Variants in KCNH3 observed in about 807,000 individuals in gnomAD.
KCNH3 encodes the protein potassium voltage-gated channel subfamily H member 3.
In KCNH3, 36 loss-of-function variants were observed where a neutral mutation model predicts 95.6. That is an observed-to-expected ratio of 0.38 (90% CI 0.29 to 0.50). The LOEUF (loss-of-function observed/expected upper bound fraction) is 0.50, where lower values mean the gene tolerates loss of function less well. Ranked by LOEUF, KCNH3 falls within the 20% of genes least tolerant of loss-of-function variation. The probability of loss-of-function intolerance (pLI) is 0.95; values close to 1 mark genes in which losing one functional copy is unlikely to be tolerated. For missense variants in KCNH3, 1,030 were observed against 1,484.1 expected (o/e 0.69, Z 5.03); for synonymous variants, 620 against 646.3 (o/e 0.96, Z 0.62).
chr12:49,539,537 C>T lies in KCNH3; in HGVS notation c.76+45C>T. ...ACTTGCACCCGGGCCGCCGGACCCT[C>T]GCCAGGGCTCCCGCCTTCCCCGAAC... On this transcript the variant is annotated intron_variant, in intron 1 of 14. Coordinates refer to ENST00000257981, the MANE Select transcript of KCNH3 (RefSeq NM_012284.3). This position sits in a 1 kb window ranked among gnomAD's most constrained non-coding sequence, Gnocchi z 6.7. 4.6e-6 allele frequency: 7 copies of T among 1,529,020 alleles called. No homozygotes were observed. Among genetic ancestry groups the T allele is most frequent in the Non-Finnish European group, 6.2e-6 (7 of 1,126,230 alleles). 94.7% of individuals were successfully genotyped at this position (1,529,020 alleles called of 1,614,324 possible). A position where few individuals can be genotyped will look rare whatever the true frequency, so the allele number is the denominator to read the frequency against.
At chr12:49,544,145 T>TGCCCA in intron 6 of KCNH3, 30 bp from the exon 7 acceptor site, 12 of 818,196 alleles carry the variant, frequency 1.5e-5, no homozygotes, top group Non-Finnish European at 2.1e-5. Flanking sequence ...CTGACCTCCC[T>TGCCCA]CCCTCCCTCC....
chr12:49,549,427 T>C lies in KCNH3; in HGVS notation c.1469-14T>C. The C allele has an allele frequency of 2.5e-6, 4 of 1,612,384 alleles. No individual in the cohort carries two copies. The highest frequency in any genetic ancestry group is 3.4e-6 in the Non-Finnish European group (4 of 1,179,290). ...AGGTCCCCTAGGTGACCCCCTCTCGTCACCCTCCCCCAGCCCTGATGCACG... is the reference window on the plus strand; with the variant it reads ...AGGTCCCCTAGGTGACCCCCTCTCGCCACCCTCCCCCAGCCCTGATGCACG... On this transcript the variant is annotated splice_polypyrimidine_tract_variant and intron_variant, in intron 8 of 14. Transcript: ENST00000257981.
Position 49,549,012 on chromosome 12 carries a change from A to G in KCNH3, c.1307A>G (p.Asn436Ser). Residue 436 changes from asparagine (N) to serine (S), a missense_variant, in exon 8 of 15, where the codon AAC becomes AGC. Physicochemically the swap from Asn to Ser is conservative, Grantham distance 46 (BLOSUM62 1). This residue lies in a region of KCNH3 where 50 missense variants were observed against 41.0 expected (regional missense o/e 1.22). Transcript: ENST00000257981. ...SDNCSSSSEA[N>S]GTGLELLGGP... ...AACTGCAGCAGCAGCAGCGAGGCCA[A>G]CGGGACGGGGCTGGAGCTGCTGGGC... is the stretch of plus-strand genomic sequence containing the variant. 6.2e-7 allele frequency: 1 copy of G among 1,611,758 alleles called. No homozygotes were observed. The highest frequency in any genetic ancestry group is 8.5e-7 in the Non-Finnish European group (1 of 1,179,502).
At chr12:49,548,821 G>A (rs1336069803) in intron 7 of KCNH3, 74 bp from the exon 8 acceptor site, 1 of 1,436,798 alleles carries the variant, frequency 7.0e-7, no homozygotes, top group Non-Finnish European at 9.3e-7. Flanking sequence ...GTGTCTGCGT[G>A]TCCCCACCCC....
chr12:49,556,314 G>A (rs1938439866), intron 12 of KCNH3, 56 bp from the exon 13 acceptor site: 1 of 1,307,654 alleles, frequency 7.6e-7, no homozygotes, highest in South Asian at 1.2e-5. Context: ...CGTCCCGTAT[G>A]ACCCCACAGT....
intron 7 of KCNH3, among the ~76,000 whole-genome samples, chr12:49,547,878 C>T (rs1160050684): frequency 6.6e-6 from 1 of 152,144 alleles, no homozygotes; most frequent in African/African-American, 2.4e-5. Flanking sequence ...CACCCCATGG[C>T]CCCCAGCTCT....
Position 49,555,662 on chromosome 12 carries a change from A to T in KCNH3, c.2179A>T (p.Thr727Ser). The change falls in exon 12 of 15, where the codon ACG becomes TCG. Residue 727 changes from threonine (T) to serine (S), a missense_variant. Thr to Ser is a moderately conservative substitution (Grantham distance 58, BLOSUM62 1). Coordinates refer to ENST00000257981, the MANE Select transcript of KCNH3 (RefSeq NM_012284.3). ...SLSGDNTLMS[T>S]LEEKETDGEQ... is the part of the protein sequence containing the mutation. ...GAGCGGCGACAATACCCTTATGTCC[A>T]CGCTGGAGGAGAAGGAGACAGATGG... 4 of 1,592,252 alleles carry T rather than the reference A, an allele frequency of 2.5e-6. No individual in the cohort carries two copies. The highest frequency in any genetic ancestry group is 3.4e-6 in the Non-Finnish European group (4 of 1,167,108).
In KCNH3 at chr12:49,557,426, G is replaced by A; in HGVS notation, c.2725G>A (p.Val909Ile). The stretch of plus-strand genomic sequence containing the variant: ...GTCACTTCGCCAGGCTGTGCAGCTT[G>A]TCCTGGCGCCCCACAGGGAGGGTCC... ...LQSLRQAVQL[V>I]LAPHREGPCP... Residue 909 changes from valine (V) to isoleucine (I), a missense_variant, in exon 15 of 15, where the codon GTC (valine) becomes ATC (isoleucine). Val to Ile is a conservative substitution (Grantham distance 29). Coordinates refer to ENST00000257981, the MANE Select transcript of KCNH3 (RefSeq NM_012284.3). 6.2e-7 allele frequency: 1 copy of A among 1,605,306 alleles called. No individual in the cohort carries two copies. The highest frequency in any genetic ancestry group is 8.5e-7 in the Non-Finnish European group (1 of 1,174,760).
chr12:49,544,535 C>T (rs1425379336), intron 7 of KCNH3, among the ~76,000 whole-genome samples, 153 bp downstream of exon 7: 1 of 152,154 alleles, frequency 6.6e-6, no homozygotes, highest in African/African-American at 2.4e-5. Context: ...GTGTGACAGC[C>T]ACCACCACGT....
At chr12:49,557,025 T>A (rs1938483710) in intron 13 of KCNH3, among the ~76,000 whole-genome samples, 158 bp from the exon 14 acceptor site, 1 of 152,088 alleles carries the variant, frequency 6.6e-6, no homozygotes. Flanking sequence ...CCTGGAAGTT[T>A]GGGCAAAATT....
chr12:49,557,299 G>GGA (rs749175515), intron 14 of KCNH3, 40 bp downstream of exon 14: 1 of 1,613,722 alleles, frequency 6.2e-7, no homozygotes, highest in Admixed American at 1.7e-5. Flanking sequence ...GGGCACCAGG[G>GGA]GAAGGCACTC....
At chr12:49,548,610 C>G (rs559671032) in intron 7 of KCNH3, among the ~76,000 whole-genome samples, 1 of 152,300 alleles carries the variant, frequency 6.6e-6, no homozygotes, top group Admixed American at 6.5e-5. Context: ...CCCACGCCAG[C>G]CAGGCCCTCC....
At position 49,542,764 on chromosome 12, in the gene KCNH3, G is replaced by C. The variant is rs1937918234; in HGVS notation, c.504G>C (p.Arg168=). ...ARSKGFNANR[R]RSRAVLYHLS... ...CCAAAGGCTTCAATGCCAACCGGCG[G>C]CGGAGCCGGGCCGTGCTCTACCACC... Residue 168 remains arginine (R), a synonymous_variant, in exon 4 of 15, where the codon CGG becomes CGC. Transcript: ENST00000257981. 6.3e-7 allele frequency: 1 copy of C among 1,592,902 alleles called. No individual in the cohort carries two copies. Among genetic ancestry groups the C allele is most frequent in the African/African-American group, 1.3e-5 (1 of 74,792 alleles).
At chr12:49,550,028 C>T in intron 9 of KCNH3, 52 bp from the exon 10 acceptor site, 2 of 1,522,892 alleles carry the variant, frequency 1.3e-6, no homozygotes, top group South Asian at 1.3e-5. Context: ...TGGAGGCCAC[C>T]TCCTCTTCTG....
At position 49,549,541 on chromosome 12, in the gene KCNH3, C is replaced by T; in HGVS notation, c.1569C>T (p.Asp523=). 1 of 1,613,628 alleles carries T rather than the reference C, an allele frequency of 6.2e-7. No individual in the cohort carries two copies. Among genetic ancestry groups the T allele is most frequent in the African/African-American group, 1.3e-5 (1 of 75,082 alleles). ...LYHSRTRDLR[D]YIRIHRIPKP... ...ACAGCCGCACGCGCGACCTGCGCGA[C>T]TACATCCGCATCCACCGTATCCCCA... The change falls in exon 9 of 15, where the codon GAC becomes GAT. Residue 523 remains aspartate, a synonymous_variant. Transcript: ENST00000257981.
chr12:49,551,574 C>CA (rs59344956), intron 10 of KCNH3, among the ~76,000 whole-genome samples: 1,313 of 56,718 alleles, frequency 0.023, 28 homozygotes, highest in Middle Eastern at 0.029. Context: ...GACTCTGTCT[C>CA]AAAAAAAAAA....
At chr12:49,553,985 C>G (rs1016017211) in intron 10 of KCNH3, among the ~76,000 whole-genome samples, 3 of 152,200 alleles carry the variant, frequency 2.0e-5, no homozygotes, top group Non-Finnish European at 2.9e-5. Flanking sequence ...TTTGTTCTGA[C>G]TTTTGCAGGG....
At chr12:49,541,184 G>A in intron 2 of KCNH3, 52 bp downstream of exon 2, 1 of 1,361,588 alleles carries the variant, frequency 7.3e-7, no homozygotes, top group Non-Finnish European at 1.0e-6. Context: ...CACCCAGCCT[G>A]GCACCAGCCC....
intron 10 of KCNH3, among the ~76,000 whole-genome samples, chr12:49,550,758 A>G (rs927406170): frequency 6.6e-6 from 1 of 152,218 alleles, no homozygotes; most frequent in African/African-American, 2.4e-5. Context: ...CAGATCACAG[A>G]GCAGGCCCAG....
Sources: allele counts gnomAD v4.1 joint callset (sites outside exome capture counted in the v4.1 genomes callset), GRCh38; gene constraint gnomAD v4.1.1; regional missense constraint gnomAD v4.1.1; non-coding constraint Gnocchi (gnomAD v3.1); transcripts MANE v1.5; gene names NCBI Gene and HGNC (gene_info 2026-07-23, HGNC 2026-07-21).